WDR93: variants seen among roughly 807,000 people sequenced by gnomAD.
The protein encoded by WDR93 is WD repeat domain 93, also known as WD repeat-containing protein 93.
A neutral mutation model predicts 82.9 loss-of-function variants in WDR93; 73 were observed. The ratio of observed to expected loss-of-function variants is 0.88; its 90% CI spans 0.73 to 1.07. WDR93 has a LOEUF of 1.07. Among genes scored for constraint, WDR93 ranks in the 50% least tolerant of loss-of-function variants. The probability of loss-of-function intolerance (pLI) is 0.00; values close to 1 mark genes in which losing one functional copy is unlikely to be tolerated. For synonymous variants in WDR93, 283 were observed against 300.1 expected, an observed-to-expected ratio of 0.94 and a Z score of 0.59; for missense variants, 738 against 826.0, an observed-to-expected ratio of 0.89 and a Z score of 1.31.
chr15:89,742,421 C>G (rs1360295345), intron 16 of WDR93, among the ~76,000 whole-genome samples: 1 of 151,994 alleles, frequency 6.6e-6, no homozygotes, highest in Non-Finnish European at 1.5e-5. Flanking sequence ...GACAGCCCCC[C>G]CTCCACCCTG....
chr15:89,725,546 C>CTTTTTTTTTTTTTTTTTTTT (rs35770679), intron 8 of WDR93, among the ~76,000 whole-genome samples: 1 of 144,962 alleles, frequency 6.9e-6, no homozygotes, highest in Non-Finnish European at 1.5e-5. Context: ...TGTTCTATTT[C>CTTTTTTTTTTTTTTTTTTTT]TTTTTTTTTT....
chr15:89,743,158 G>T (rs1967809475), intron 16 of WDR93, 134 bp from the exon 17 acceptor site: 1 of 801,226 alleles, frequency 1.2e-6, no homozygotes, highest in South Asian at 1.6e-5. Flanking sequence ...TGAGCCCTGA[G>T]GACACAGAGG....
At position 89,713,783 on chromosome 15, in the gene WDR93, A is replaced by G. The variant is rs184022754; in HGVS notation, c.641-1197A>G. ...CCACCACGCCTGGCGAAGGATATGC[A>G]TTGTATAATGCTTTGTGTATTCAAG... On this transcript the variant is annotated intron_variant, in intron 5 of 16. Transcript: ENST00000268130. 2.2e-4 allele frequency among the ~76,000 whole-genome samples: 34 copies of G among 152,204 alleles called. No homozygotes were observed. In the East Asian group the frequency reaches 6.6e-3, roughly 29 times the overall value.
chr15:89,737,812 T>G, intron 15 of WDR93, 83 bp downstream of exon 15: 2 of 1,564,498 alleles, frequency 1.3e-6, no homozygotes, highest in Non-Finnish European at 1.7e-6. Context: ...CCCTCCGATC[T>G]CCTCCCCACT....
At chr15:89,729,565 C>A in intron 10 of WDR93, 118 bp from the exon 11 acceptor site, 2 of 746,570 alleles carry the variant, frequency 2.7e-6, no homozygotes, top group South Asian at 1.7e-5. Flanking sequence ...TTAAAACAAA[C>A]CACTTCAGAC....
Position 89,743,218 on chromosome 15 carries a change from G to A in WDR93, c.1962-74G>A, listed in dbSNP as rs537504733. 1.1e-5 allele frequency: 16 copies of A among 1,439,802 alleles called. No individual in the cohort carries two copies. The East Asian group carries it at 1.8e-4, about 16-fold the overall frequency. The allele number at this position is 1,439,802 out of a possible 1,614,324, so 89.2% of individuals were successfully genotyped here. A position where few individuals can be genotyped will look rare whatever the true frequency, so the allele number is the denominator to read the frequency against. On this transcript the variant is annotated intron_variant, in intron 16 of 16. Transcript: ENST00000268130. ...TTTCTCATAGGAGCACAGGGTAGTC[G>A]AGGTCTGCCCTGGGGGCTCGGGAGC... is the stretch of plus-strand genomic sequence containing the variant.
At chr15:89,710,029 A>T (rs539924860) in intron 4 of WDR93, among the ~76,000 whole-genome samples, 3 of 151,962 alleles carry the variant, frequency 2.0e-5, no homozygotes, top group Non-Finnish European at 4.4e-5. Context: ...GTGTGCTGGC[A>T]CGCGCCTGTA....
In WDR93 at chr15:89,729,680, C is replaced by G. The variant is rs1406996337; in HGVS notation, c.1124-3C>G. On this transcript the variant is annotated splice_polypyrimidine_tract_variant and splice_region_variant and intron_variant, in intron 10 of 16. Coordinates refer to ENST00000268130, the MANE Select transcript of WDR93 (RefSeq NM_020212.2). ...TTCTGTCTTTCCCCCGCCCCCCCAC[C>G]AGGAATGGCCTGTGTCCTTGGTATA... 1 of 1,612,280 alleles carries G rather than the reference C, an allele frequency of 6.2e-7. No homozygotes were observed. Among genetic ancestry groups the G allele is most frequent in the Non-Finnish European group, 8.5e-7 (1 of 1,179,648 alleles).
chr15:89,722,130 C>G lies in WDR93; in HGVS notation c.871C>G (p.Pro291Ala). The change falls in exon 8 of 17, where the codon CCT becomes GCT. Residue 291 changes from proline (P) to alanine (A), a missense_variant. By Grantham distance (27) the Pro-to-Ala change is conservative (BLOSUM62 -1). Transcript: ENST00000268130. ...CATAATGAAGATCAAACCACCTAAG[C>G]CTGTTACAGGTAAGTGTGATTCAAA... Reference protein sequence around the residue: ...VYIMKIKPPKPVTGTTFKSPL... With the variant: ...VYIMKIKPPKAVTGTTFKSPL... 1 of 1,602,504 alleles carries G rather than the reference C, an allele frequency of 6.2e-7. No homozygotes were observed. The highest frequency in any genetic ancestry group is 8.5e-7 in the Non-Finnish European group (1 of 1,174,144).
chr15:89,719,679 AT>A (rs1397131413), intron 7 of WDR93: 2 of 150,976 alleles, frequency 1.3e-5, no homozygotes, highest in African/African-American at 4.9e-5. Flanking sequence ...AGTTTCATAT[AT>A]TTTTCCCTAT....
intron 7 of WDR93, 122 bp downstream of exon 7, chr15:89,717,071 A>G (rs1171163108): frequency 4.6e-6 from 2 of 438,108 alleles, no homozygotes; most frequent in Non-Finnish European, 6.6e-6. Flanking sequence ...TTTTTTTGAG[A>G]CAGAGTTTCA....
upstream of WDR93, chr15:89,690,664 G>C (rs8179076): frequency 1.8e-4 from 278 of 1,532,436 alleles, 1 homozygote; most frequent in Admixed American, 5.4e-3. Flanking sequence ...GAGTCGCACG[G>C]GGCTCAGGCG....
At chr15:89,734,809 A>AC (rs1156272891) in intron 13 of WDR93, among the ~76,000 whole-genome samples, 2 of 151,286 alleles carry the variant, frequency 1.3e-5, no homozygotes, top group Non-Finnish European at 2.9e-5. Context: ...ACATAGTGAG[A>AC]CCCCTTCTCT....
At chr15:89,743,155 T>C in intron 16 of WDR93, 137 bp from the exon 17 acceptor site, 1 of 780,364 alleles carries the variant, frequency 1.3e-6, no homozygotes, top group Admixed American at 2.3e-5. Context: ...GGCTGAGCCC[T>C]GAGGACACAG....
intron 1 of WDR93, among the ~76,000 whole-genome samples, chr15:89,692,278 G>T (rs950352184): frequency 6.6e-5 from 10 of 152,204 alleles, no homozygotes; most frequent in African/African-American, 2.4e-4. Flanking sequence ...CAGGGGTATT[G>T]GTACCCTGAA....
intron 14 of WDR93, among the ~76,000 whole-genome samples, chr15:89,736,228 G>A (rs2141709857): frequency 6.6e-6 from 1 of 152,348 alleles, no homozygotes; most frequent in South Asian, 2.1e-4. Flanking sequence ...CCAAAGGAGA[G>A]GGAAGCGTGC....
chr15:89,696,264 A>G (rs865793945), intron 1 of WDR93, among the ~76,000 whole-genome samples: 3 of 152,194 alleles, frequency 2.0e-5, no homozygotes, highest in African/African-American at 7.2e-5. Flanking sequence ...TCTTTCACTC[A>G]TCATAATGTC....
chr15:89,719,424 C>T (rs1286832968), intron 7 of WDR93, among the ~76,000 whole-genome samples: 3 of 152,192 alleles, frequency 2.0e-5, no homozygotes, highest in Non-Finnish European at 4.4e-5. Flanking sequence ...TCTATTTCTT[C>T]TTGAGCAAGC....
chr15:89,697,653 T>C (rs1351694777), intron 1 of WDR93, among the ~76,000 whole-genome samples: 1 of 152,208 alleles, frequency 6.6e-6, no homozygotes. Flanking sequence ...TGGAAAAAAT[T>C]ACTTAATAGT....
Sources: allele counts gnomAD v4.1 joint callset (sites outside exome capture counted in the v4.1 genomes callset), GRCh38; gene constraint gnomAD v4.1.1; transcripts MANE v1.5; gene names NCBI Gene and HGNC (gene_info 2026-07-23, HGNC 2026-07-21).